Variants in FCRL4 observed in about 807,000 individuals in gnomAD.
The protein encoded by FCRL4 is Fc receptor like 4.
Under a neutral mutation model 64.1 loss-of-function variants are expected in FCRL4, and 43 were observed. The ratio of observed to expected loss-of-function variants is 0.67; its 90% CI spans 0.53 to 0.87. The LOEUF (loss-of-function observed/expected upper bound fraction) is 0.87, where lower values mean the gene tolerates loss of function less well. Among genes scored for constraint, FCRL4 ranks in the 40% least tolerant of loss-of-function variants. FCRL4 has a pLI of 0.00. For synonymous variants in FCRL4, 253 were observed against 239.8 expected, an observed-to-expected ratio of 1.05 and a Z score of -0.51; for missense variants, 656 against 613.5, an observed-to-expected ratio of 1.07 and a Z score of -0.73.
chr1:157,576,704 G>T (rs1354916574), intron 10 of FCRL4, among the ~76,000 whole-genome samples: 1 of 152,204 alleles, frequency 6.6e-6, no homozygotes, highest in East Asian at 1.9e-4. Context: ...AAAGGTAGTG[G>T]CCATTCTAAT....
At chr1:157,587,198 C>T in intron 5 of FCRL4, 78 bp downstream of exon 5, 1 of 1,529,508 alleles carries the variant, frequency 6.5e-7, no homozygotes, top group Non-Finnish European at 8.9e-7. Context: ...AAACCCATCT[C>T]TGCTACATAG....
intron 9 of FCRL4, 31 bp from the exon 10 acceptor site, chr1:157,578,573 C>A (rs373402068): frequency 3.3e-5 from 53 of 1,587,934 alleles, no homozygotes; most frequent in Non-Finnish European, 4.4e-5. Flanking sequence ...CAAGGCTGTT[C>A]CTGTTAGTAT....
chr1:157,592,836 A>C (rs1043369491), intron 2 of FCRL4, among the ~76,000 whole-genome samples: 2 of 152,196 alleles, frequency 1.3e-5, no homozygotes, highest in Non-Finnish European at 2.9e-5. Flanking sequence ...AGAACCAACC[A>C]AAATGTCCAT....
Position 157,589,286 on chromosome 1 carries a change from G to T in FCRL4, c.225C>A (p.Leu75=), listed in dbSNP as rs78796764. The stretch of plus-strand genomic sequence containing the variant: ...TGTACAGTCCAGATTCCCGAACCTC[G>T]AGGGTGTTTCCTGGGGTCAGGGTCA... ...EKLTLTPGNT[L]EVRESGLYRC... Residue 75 remains leucine, a synonymous_variant, in exon 3 of 12, where the codon CTC becomes CTA. Transcript: ENST00000271532. 1 of 1,614,056 alleles carries T rather than the reference G, an allele frequency of 6.2e-7. No individual in the cohort carries two copies. The highest frequency in any genetic ancestry group is 1.3e-5 in the African/African-American group (1 of 74,922).
chr1:157,575,261 T>C lies in FCRL4; in HGVS notation c.*263A>G. ...CTAAAGCAGACCCTAGGGAATACAT[T>C]AGGTCAGGCCCACAGCAAATACTAC... On this transcript the variant is annotated 3_prime_UTR_variant, in exon 12 of 12. Coordinates refer to ENST00000271532, the MANE Select transcript of FCRL4 (RefSeq NM_031282.3). 2.0e-6 allele frequency: 1 copy of C among 500,452 alleles called. No homozygotes were observed. Among genetic ancestry groups the C allele is most frequent in the Non-Finnish European group, 3.6e-6 (1 of 274,940 alleles). 31.0% of individuals were successfully genotyped at this position (500,452 alleles called of 1,614,324 possible).
Position 157,588,060 on chromosome 1 carries a change from A to G in FCRL4, c.367T>C (p.Cys123Arg). Residue 123 changes from cysteine to arginine, a missense_variant, in exon 4 of 12, where the codon TGC (cysteine) becomes CGC (arginine). Coordinates refer to ENST00000271532, the MANE Select transcript of FCRL4 (RefSeq NM_031282.3). ...AATTTCTCTTTCCTTCTTCTGTGGC[A>G]TCTCAGAACCAATGTGTCACCTTCA... ...VFEGDTLVLR[C>R]HRRRKEKLTA... is the part of the protein sequence containing the mutation. 2 of 1,613,652 alleles carry G rather than the reference A, an allele frequency of 1.2e-6. No individual in the cohort carries two copies. Among genetic ancestry groups the G allele is most frequent in the Non-Finnish European group, 1.7e-6 (2 of 1,179,772 alleles).
rs78796764 is a variant in FCRL4, at chr1:157,589,286, G to A, written c.225C>T (p.Leu75=). The A allele has an allele frequency of 3.0e-3, 4,864 of 1,614,172 alleles. 19 individuals are homozygous for A. The highest frequency in any genetic ancestry group is 0.023 in the Middle Eastern group (142 of 6,062). The change falls in exon 3 of 12, where the codon CTC becomes CTT. Residue 75 remains leucine (L), a synonymous_variant. Coordinates refer to ENST00000271532, the MANE Select transcript of FCRL4 (RefSeq NM_031282.3). ...EKLTLTPGNT[L]EVRESGLYRC... The stretch of plus-strand genomic sequence containing the variant: ...TGTACAGTCCAGATTCCCGAACCTC[G>A]AGGGTGTTTCCTGGGGTCAGGGTCA...
At position 157,589,292 on chromosome 1, in the gene FCRL4, G is replaced by T. The variant is rs757238019; in HGVS notation, c.219C>A (p.Asn73Lys). Residue 73 changes from asparagine (N) to lysine (K), a missense_variant, in exon 3 of 12, where the codon AAC becomes AAA. Coordinates refer to ENST00000271532, the MANE Select transcript of FCRL4 (RefSeq NM_031282.3). ...WGEKLTLTPG[N>K]TLEVRESGLY... ...GTCCAGATTCCCGAACCTCGAGGGTGTTTCCTGGGGTCAGGGTCAACTTTT... is the reference window on the plus strand; with the variant it reads ...GTCCAGATTCCCGAACCTCGAGGGTTTTTCCTGGGGTCAGGGTCAACTTTT... The T allele has an allele frequency of 2.5e-6, 4 of 1,614,220 alleles. No individual in the cohort carries two copies. In the South Asian group the frequency reaches 4.4e-5, roughly 18 times the overall value.
chr1:157,587,131 C>T, intron 5 of FCRL4, 145 bp downstream of exon 5: 1 of 852,642 alleles, frequency 1.2e-6, no homozygotes, highest in Non-Finnish European at 1.8e-6. Context: ...TCATGTATTT[C>T]TTTTATTATA....
At chr1:157,585,807 G>C (rs1469156696) in intron 6 of FCRL4, among the ~76,000 whole-genome samples, 1 of 152,154 alleles carries the variant, frequency 6.6e-6, no homozygotes, top group Non-Finnish European at 1.5e-5. Flanking sequence ...TTTACTGAAA[G>C]GAGAGGTGTA....
intron 2 of FCRL4, among the ~76,000 whole-genome samples, chr1:157,594,691 T>C (rs1276560493): frequency 6.6e-6 from 1 of 152,238 alleles, no homozygotes; most frequent in African/African-American, 2.4e-5. Flanking sequence ...AGGCAATTAC[T>C]TTTTTAAAGC....
At chr1:157,579,589 T>C (rs2777967) in intron 8 of FCRL4, among the ~76,000 whole-genome samples, 68,554 of 151,618 alleles carry the variant, frequency 0.45, 17,814 homozygotes, top group African/African-American at 0.73. Flanking sequence ...TGGTGGCTCA[T>C]GCCTGTAATC....
intron 7 of FCRL4, 72 bp from the exon 8 acceptor site, chr1:157,580,420 G>C: frequency 6.6e-7 from 1 of 1,509,602 alleles, no homozygotes; most frequent in South Asian, 1.1e-5. Context: ...TGTAACAGGA[G>C]CTATCTAAGA....
chr1:157,592,544 T>C (rs1652861751), intron 2 of FCRL4, among the ~76,000 whole-genome samples: 1 of 152,202 alleles, frequency 6.6e-6, no homozygotes, highest in African/African-American at 2.4e-5. Context: ...AGATACCATC[T>C]CATGCCAGTT....
At chr1:157,588,916 C>A (rs1051291457) in intron 3 of FCRL4, among the ~76,000 whole-genome samples, 4 of 152,248 alleles carry the variant, frequency 2.6e-5, no homozygotes, top group Non-Finnish European at 5.9e-5. Context: ...GGCTATAAAG[C>A]CCTGCAGGGC....
In FCRL4 at chr1:157,573,813, T is replaced by C. The variant is rs889472577; in HGVS notation, c.*1711A>G. 1 of 185,966 alleles carries C rather than the reference T, an allele frequency of 5.4e-6. No individual in the cohort carries two copies. The highest frequency in any genetic ancestry group is 1.1e-5 in the Non-Finnish European group (1 of 89,482). The allele number at this position is 185,966 out of a possible 1,614,324, so 11.5% of individuals were successfully genotyped here. ...CTGAAAGTGAATATCCTTTTGCTTT[T>C]ATAAAAACATCACTACAATAAACTA... is the stretch of plus-strand genomic sequence containing the variant. On this transcript the variant is annotated 3_prime_UTR_variant, in exon 12 of 12. Transcript: ENST00000271532.
chr1:157,591,559 T>G (rs560309690), intron 2 of FCRL4, among the ~76,000 whole-genome samples: 36 of 152,286 alleles, frequency 2.4e-4, no homozygotes, highest in Non-Finnish European at 4.7e-4. Flanking sequence ...GTAAGCAGGC[T>G]CTGTTTGTCA....
intron 7 of FCRL4, chr1:157,580,604 C>T (rs1287040954): frequency 2.3e-5 from 11 of 468,472 alleles, no homozygotes; most frequent in Non-Finnish European, 3.9e-5. Flanking sequence ...TGTTGAAATC[C>T]CTCAGGAAAC....
At chr1:157,578,873 T>C in intron 8 of FCRL4, 21 bp from the exon 9 acceptor site, 1 of 1,589,418 alleles carries the variant, frequency 6.3e-7, no homozygotes, top group Non-Finnish European at 8.6e-7. Flanking sequence ...CAGAAACACA[T>C]AATAATCCCT....
Sources: allele counts gnomAD v4.1 joint callset (sites outside exome capture counted in the v4.1 genomes callset), GRCh38; gene constraint gnomAD v4.1.1; transcripts MANE v1.5; gene names NCBI Gene and HGNC (gene_info 2026-07-23, HGNC 2026-07-21).